GABRG3: variants seen among roughly 807,000 people sequenced by gnomAD.
GABRG3 encodes gamma-aminobutyric acid receptor subunit gamma-3.
In GABRG3, 25 loss-of-function variants were observed where a neutral mutation model predicts 48.8. The ratio of observed to expected loss-of-function variants is 0.51; its 90% CI spans 0.37 to 0.72. GABRG3 has a LOEUF of 0.72. GABRG3 is among the 30% of genes least tolerant of loss of function. GABRG3 has a pLI of 0.00. For synonymous variants in GABRG3, 227 were observed against 217.6 expected, an observed-to-expected ratio of 1.04 and a Z score of -0.38; for missense variants, 394 against 577.9, an observed-to-expected ratio of 0.68 and a Z score of 3.26.
chr15:27,213,486 C>T (rs768485720), intron 3 of GABRG3, among the ~76,000 whole-genome samples: 6 of 152,164 alleles, frequency 3.9e-5, no homozygotes, highest in Non-Finnish European at 8.8e-5. Flanking sequence ...TTCCTCATAG[C>T]GTTAAAACAC....
At chr15:27,006,144 A>G (rs1895579661) in intron 2 of GABRG3, among the ~76,000 whole-genome samples, 1 of 151,776 alleles carries the variant, frequency 6.6e-6, no homozygotes, top group Admixed American at 6.6e-5. Context: ...ATCTGGAAAA[A>G]GTTTCTTCAA....
intron 2 of GABRG3, among the ~76,000 whole-genome samples, chr15:27,016,177 A>G (rs987509658): frequency 2.0e-5 from 3 of 150,866 alleles, no homozygotes; most frequent in Admixed American, 6.6e-5. Flanking sequence ...CTTATATAGC[A>G]GCTCTAGTCA....
chr15:27,421,421 A>G (rs140466586), intron 5 of GABRG3, among the ~76,000 whole-genome samples: 1 of 152,376 alleles, frequency 6.6e-6, no homozygotes, highest in African/African-American at 2.4e-5. Context: ...ATATCCACTG[A>G]GTGTTCTAAG....
intron 2 of GABRG3, among the ~76,000 whole-genome samples, chr15:27,003,981 C>G (rs1291650677): frequency 6.7e-6 from 1 of 148,204 alleles, no homozygotes; most frequent in Non-Finnish European, 1.5e-5. Context: ...GGGCGGGGGG[C>G]TGACCCCCCA....
chr15:26,977,984 T>G (rs1167870308), intron 2 of GABRG3, among the ~76,000 whole-genome samples: 1 of 152,268 alleles, frequency 6.6e-6, no homozygotes, highest in Non-Finnish European at 1.5e-5. Context: ...CACCAGCAAC[T>G]GGTATTTTCA....
intron 3 of GABRG3, among the ~76,000 whole-genome samples, chr15:27,101,783 G>A (rs1199049554): frequency 2.3e-5 from 3 of 129,600 alleles, no homozygotes; most frequent in African/African-American, 9.1e-5. Context: ...CACACTGGAA[G>A]ACCACAATTG....
Position 27,307,151 on chromosome 15 carries a change from CAT to C in GABRG3, c.271-19654_271-19653del, listed in dbSNP as rs200529949. On this transcript the variant is annotated intron_variant, in intron 3 of 9. Coordinates refer to ENST00000615808, the MANE Select transcript of GABRG3 (RefSeq NM_033223.5). ...ATAAACATGTTTATACATATATAAA[CAT>C]ATAAAAACATGTTTATACATAATAT... is the stretch of plus-strand genomic sequence containing the variant. Among the ~76,000 whole-genome samples the C allele has an allele frequency of 8.0e-3, 1,031 of 128,206 alleles. 25 individuals are homozygous for C. Among genetic ancestry groups the C allele is most frequent in the African/African-American group, 0.028 (891 of 32,164 alleles). 84.1% of individuals were successfully genotyped at this position (128,206 alleles called of 152,430 possible).
chr15:27,240,303 G>A (rs984628289), intron 3 of GABRG3, among the ~76,000 whole-genome samples: 19 of 152,188 alleles, frequency 1.2e-4, no homozygotes, highest in African/African-American at 3.4e-4. Context: ...ACACGTGAGC[G>A]CTCAGAACCC....
At chr15:27,315,019 G>A (rs763312001) in intron 3 of GABRG3, among the ~76,000 whole-genome samples, 17 of 152,118 alleles carry the variant, frequency 1.1e-4, no homozygotes, top group Non-Finnish European at 2.4e-4. Flanking sequence ...CTTAAAAAGT[G>A]TATCATACGC....
intron 3 of GABRG3, among the ~76,000 whole-genome samples, chr15:27,290,207 A>C (rs1891750922): frequency 1.3e-5 from 2 of 152,192 alleles, no homozygotes; most frequent in South Asian, 4.1e-4. Context: ...TTATAAGCCA[A>C]AATATAAAAT....
At chr15:27,168,044 T>C (rs369884517) in intron 3 of GABRG3, among the ~76,000 whole-genome samples, 1 of 151,956 alleles carries the variant, frequency 6.6e-6, no homozygotes, top group Non-Finnish European at 1.5e-5. Flanking sequence ...GGAAGGTGAC[T>C]CAGGGGACCC....
intron 6 of GABRG3, chr15:27,481,130 A>C: frequency 9.4e-7 from 1 of 1,066,330 alleles, no homozygotes. Context: ...AGAATCAAAT[A>C]TTATTGAGAA....
intron 3 of GABRG3, among the ~76,000 whole-genome samples, chr15:27,167,972 C>T (rs372395465): frequency 1.1e-4 from 17 of 152,222 alleles, no homozygotes; most frequent in African/African-American, 2.9e-4. Flanking sequence ...GCCCGCTAGG[C>T]GAGCAGAAGT....
At chr15:27,477,854 C>T (rs919547238) in intron 5 of GABRG3, among the ~76,000 whole-genome samples, 2 of 152,090 alleles carry the variant, frequency 1.3e-5, no homozygotes, top group African/African-American at 4.8e-5. Flanking sequence ...TCCTGGCTAA[C>T]ATGGTGAAAC....
intron 3 of GABRG3, among the ~76,000 whole-genome samples, chr15:27,088,659 G>A (rs528831009): frequency 6.6e-6 from 1 of 152,114 alleles, no homozygotes; most frequent in Non-Finnish European, 1.5e-5. Context: ...TCTTCGTCAC[G>A]TGGCCAGGAG....
intron 3 of GABRG3, among the ~76,000 whole-genome samples, chr15:27,041,747 G>T (rs1046399012): frequency 1.3e-5 from 2 of 152,186 alleles, no homozygotes; most frequent in African/African-American, 4.8e-5. Flanking sequence ...GTCACCAGAT[G>T]TGTTGGCCAG....
chr15:27,027,514 T>A (rs1455457791), intron 3 of GABRG3, among the ~76,000 whole-genome samples: 1 of 152,260 alleles, frequency 6.6e-6, no homozygotes, highest in African/African-American at 2.4e-5. Flanking sequence ...GGAGGGGAAT[T>A]GCCAAAATGC....
chr15:27,248,611 G>A (rs1218738956), intron 3 of GABRG3, among the ~76,000 whole-genome samples: 1 of 152,152 alleles, frequency 6.6e-6, no homozygotes, highest in Non-Finnish European at 1.5e-5. Context: ...CTGTCAGCCT[G>A]TGTACCTGCC....
At chr15:27,306,518 TATATA>T (rs1269741158) in intron 3 of GABRG3, among the ~76,000 whole-genome samples, 2 of 136,118 alleles carry the variant, frequency 1.5e-5, no homozygotes, top group South Asian at 2.3e-4. Context: ...TATATAAACA[TATATA>T]ATATAAACAT....
Sources: allele counts gnomAD v4.1 joint callset (sites outside exome capture counted in the v4.1 genomes callset), GRCh38; gene constraint gnomAD v4.1.1; transcripts MANE v1.5; gene names NCBI Gene and HGNC (gene_info 2026-07-23, HGNC 2026-07-21).